Variants in STMND1 observed in about 807,000 individuals in gnomAD.
The protein encoded by STMND1 is stathmin domain-containing protein 1.
A neutral mutation model predicts 23.0 loss-of-function variants in STMND1; 17 were observed. That is an observed-to-expected ratio of 0.74 (90% confidence interval 0.51 to 1.11). The LOEUF is 1.11. Among genes scored for constraint, STMND1 ranks in the 50% least tolerant of loss-of-function variants. The probability of loss-of-function intolerance (pLI) is 0.00; values close to 1 mark genes in which losing one functional copy is unlikely to be tolerated. For missense variants in STMND1, 305 were observed against 329.1 expected (o/e 0.93, Z 0.57); for synonymous variants, 114 against 119.9 (o/e 0.95, Z 0.32).
chr6:17,129,859 A>G (rs1403454891), intron 4 of STMND1, among the ~76,000 whole-genome samples: 1 of 151,654 alleles, frequency 6.6e-6, no homozygotes, highest in Non-Finnish European at 1.5e-5. Context: ...AAAAGAAAAA[A>G]AAAATTGTTT....
chr6:17,126,843 G>A (rs1269477251), intron 3 of STMND1, among the ~76,000 whole-genome samples: 1 of 152,194 alleles, frequency 6.6e-6, no homozygotes, highest in Non-Finnish European at 1.5e-5. Context: ...GACTTCCTGA[G>A]AATCATAGAT....
intron 1 of STMND1, among the ~76,000 whole-genome samples, chr6:17,107,105 T>C (rs1196181479): frequency 6.6e-6 from 1 of 152,186 alleles, no homozygotes; most frequent in Non-Finnish European, 1.5e-5. Context: ...TTTGAAGAAA[T>C]TCTTCTTATA....
Position 17,129,149 on chromosome 6 carries a change from C to T in STMND1, c.449C>T (p.Ser150Phe). 5 of 1,535,948 alleles carry T rather than the reference C, an allele frequency of 3.3e-6. No individual in the cohort carries two copies. Among genetic ancestry groups the T allele is most frequent in the Non-Finnish European group, 4.4e-6 (5 of 1,146,820 alleles). ...TTEKPLRKPP[S>F]RLKKLKIKKQ... is the part of the protein sequence containing the mutation. ...GAGAAGCCATTGAGAAAGCCACCTT[C>T]CAGACTGAAAAAACTCAAGATCAAA... Residue 150 changes from serine to phenylalanine, a missense_variant, in exon 4 of 5, where the codon TCC becomes TTC. Ser to Phe is a radical substitution (Grantham distance 155, BLOSUM62 -2). Transcript: ENST00000536551.
At position 17,130,767 on chromosome 6, in the gene STMND1, G is replaced by A. The variant is rs970643681; in HGVS notation, c.717G>A (p.Lys239=). The change falls in exon 5 of 5, where the codon AAG becomes AAA. Residue 239 remains lysine, a synonymous_variant. Coordinates refer to ENST00000536551, the MANE Select transcript of STMND1 (RefSeq NM_001190766.2). Reference sequence around the variant, plus strand: ...ACCTGCAGGGAGGAAAACCATTGAAGAGGAAGAAGAGTAAATGTGATGCAA... The same window carrying A: ...ACCTGCAGGGAGGAAAACCATTGAAAAGGAAGAAGAGTAAATGTGATGCAA... ...PSDLQGGKPL[K]RKKSKCDATL... is the part of the protein sequence containing the mutation. The A allele has an allele frequency of 4.6e-6, 7 of 1,535,956 alleles. No homozygotes were observed. In the African/African-American group the frequency reaches 9.6e-5, roughly 21 times the overall value.
chr6:17,107,301 AAAC>A (rs1761036892), intron 1 of STMND1, among the ~76,000 whole-genome samples: 1 of 152,192 alleles, frequency 6.6e-6, no homozygotes, highest in African/African-American at 2.4e-5. Context: ...CACAACAAAC[AAAC>A]AACACCTGTC....
chr6:17,117,839 C>T (rs1456307492), intron 2 of STMND1, among the ~76,000 whole-genome samples: 2 of 150,212 alleles, frequency 1.3e-5, no homozygotes, highest in Admixed American at 1.3e-4. Context: ...TGCCACCACA[C>T]TTGGCTTTTT....
At chr6:17,102,920 T>C (rs1760963403) in intron 1 of STMND1, among the ~76,000 whole-genome samples, 1 of 152,192 alleles carries the variant, frequency 6.6e-6, no homozygotes, top group South Asian at 2.1e-4. Context: ...GAAGGTAGAA[T>C]TTAGTTTTCA....
At chr6:17,115,584 C>T (rs986642074) in intron 2 of STMND1, among the ~76,000 whole-genome samples, 2 of 152,106 alleles carry the variant, frequency 1.3e-5, no homozygotes, top group African/African-American at 4.8e-5. Flanking sequence ...AAATATACAA[C>T]AAAAGAATCT....
intron 1 of STMND1, 28 bp downstream of exon 1, chr6:17,102,366 A>G (rs1223408666): frequency 6.5e-7 from 1 of 1,533,526 alleles, no homozygotes; most frequent in Admixed American, 2.0e-5. Flanking sequence ...AAACAAACAA[A>G]CAAACAGACA....
In STMND1 at chr6:17,102,117, C is replaced by A; in HGVS notation, c.-141C>A. 1.3e-6 allele frequency: 1 copy of A among 753,982 alleles called. No individual in the cohort carries two copies. Among genetic ancestry groups the A allele is most frequent in the Non-Finnish European group, 1.9e-6 (1 of 529,790 alleles). The allele number at this position is 753,982 out of a possible 1,614,324, so 46.7% of individuals were successfully genotyped here. A position where few individuals can be genotyped will look rare whatever the true frequency, so the allele number is the denominator to read the frequency against. On this transcript the variant is annotated 5_prime_UTR_variant, in exon 1 of 5. Coordinates refer to ENST00000536551, the MANE Select transcript of STMND1 (RefSeq NM_001190766.2). ...GTTTAAGCGCGGGAAGTGGGAGAGG[C>A]GGGTGGCGCCCGAGCGCAGTAGCAG...
At chr6:17,118,384 G>A (rs142579605) in intron 2 of STMND1, among the ~76,000 whole-genome samples, 51 of 152,016 alleles carry the variant, frequency 3.4e-4, no homozygotes, top group African/African-American at 1.1e-3. Flanking sequence ...AAGCATGGGC[G>A]TTTTTTTAAT....
chr6:17,104,971 CT>C (rs961916013), intron 1 of STMND1, among the ~76,000 whole-genome samples: 1 of 151,710 alleles, frequency 6.6e-6, no homozygotes, highest in African/African-American at 2.4e-5. Context: ...GGAAAATATT[CT>C]TTTTAAAAAA....
intron 1 of STMND1, among the ~76,000 whole-genome samples, chr6:17,112,297 ATTTCTT>A (rs1174948837): frequency 6.6e-6 from 1 of 152,118 alleles, no homozygotes; most frequent in Admixed American, 6.6e-5. Flanking sequence ...TCAGTGTTTA[ATTTCTT>A]TTTCTTGCCA....
At chr6:17,119,180 C>T (rs1376884139) in intron 2 of STMND1, among the ~76,000 whole-genome samples, 2 of 152,120 alleles carry the variant, frequency 1.3e-5, no homozygotes, top group South Asian at 2.1e-4. Context: ...AAAAGTGGCT[C>T]TATTACAAAC....
chr6:17,102,309 C>T lies in STMND1; in HGVS notation c.52C>T (p.Pro18Ser). The T allele has an allele frequency of 2.0e-6, 3 of 1,536,000 alleles. No homozygotes were observed. Among genetic ancestry groups the T allele is most frequent in the Non-Finnish European group, 2.6e-6 (3 of 1,146,868 alleles). ...PAEDRRRVRA[P>S]KKGWKEEFKA... ...TGAAGACCGGAGACGTGTACGCGCGCCCAAGAAGGGCTGGAAAGAGGAATT... is the reference window on the plus strand; with the variant it reads ...TGAAGACCGGAGACGTGTACGCGCGTCCAAGAAGGGCTGGAAAGAGGAATT... Residue 18 changes from proline to serine, a missense_variant, in exon 1 of 5, where the codon CCC becomes TCC. Transcript: ENST00000536551.
chr6:17,109,668 G>A (rs931922054), intron 1 of STMND1, among the ~76,000 whole-genome samples: 6 of 152,108 alleles, frequency 3.9e-5, no homozygotes, highest in African/African-American at 1.4e-4. Context: ...AGCTCTGAGA[G>A]GTTGCTTCTC....
intron 1 of STMND1, among the ~76,000 whole-genome samples, chr6:17,105,356 A>C (rs1761009175): frequency 6.6e-6 from 1 of 152,184 alleles, no homozygotes; most frequent in African/African-American, 2.4e-5. Context: ...ATTATAAGAT[A>C]AAATCCTGGC....
chr6:17,108,192 G>A (rs1761051404), intron 1 of STMND1, among the ~76,000 whole-genome samples: 1 of 152,320 alleles, frequency 6.6e-6, no homozygotes. Context: ...CTAAGGCCTG[G>A]ATTCCAAATC....
rs1339501084 is a variant in STMND1 at position 17,131,275 on chromosome 6, A to G, written c.*394A>G. Reference sequence around the variant, plus strand: ...TGCTCCTTTAAAACAAATTGCATGGATTTGTATTAAGTATTTTAATGGCTT... The same window carrying G: ...TGCTCCTTTAAAACAAATTGCATGGGTTTGTATTAAGTATTTTAATGGCTT... On this transcript the variant is annotated 3_prime_UTR_variant, in exon 5 of 5. Transcript: ENST00000536551. 1.2e-5 allele frequency: 2 copies of G among 167,912 alleles called. No individual in the cohort carries two copies. The highest frequency in any genetic ancestry group is 2.4e-5 in the African/African-American group (1 of 41,950). 10.4% of individuals were successfully genotyped at this position (167,912 alleles called of 1,614,324 possible).
Sources: gnomAD v4.1 joint callset for allele counts (sites outside exome capture counted in the v4.1 genomes callset) on GRCh38, gnomAD v4.1.1 for gene constraint, MANE v1.5 for transcripts, NCBI Gene and HGNC (gene_info 2026-07-23, HGNC 2026-07-21) for gene names.